Variants in TNIK observed in about 807,000 individuals in gnomAD.
The protein encoded by TNIK is TRAF2 and NCK interacting kinase.
TNIK carries 49 observed loss-of-function variants against 191.3 expected under a neutral mutation model. The observed-to-expected ratio is 0.26, with a 90% confidence interval of 0.20 to 0.32. The LOEUF is 0.32. Among genes scored for constraint, TNIK ranks in the 10% least tolerant of loss-of-function variants. The probability of loss-of-function intolerance (pLI) is 1.00; values close to 1 mark genes in which losing one functional copy is unlikely to be tolerated. For missense variants in TNIK, 1,155 were observed against 1,702.3 expected (o/e 0.68, Z 5.66); for synonymous variants, 594 against 600.9 (o/e 0.99, Z 0.17).
intron 2 of TNIK, among the ~76,000 whole-genome samples, chr3:171,310,458 A>G (rs1336366710): frequency 6.6e-6 from 1 of 152,190 alleles, no homozygotes; most frequent in African/African-American, 2.4e-5. Flanking sequence ...AACCAAATCA[A>G]TTAATGAATG....
rs899438221 is a variant in TNIK, at chr3:171,063,660, G to A, written c.*221C>T. ...CCACAGACAAGGCAGCATTCTTGGGGATCTCCTGGAAATTCCTGCCACCTT... is the reference window on the plus strand; with the variant it reads ...CCACAGACAAGGCAGCATTCTTGGGAATCTCCTGGAAATTCCTGCCACCTT... On this transcript the variant is annotated 3_prime_UTR_variant, in exon 33 of 33. Transcript: ENST00000436636. The A allele has an allele frequency of 7.1e-5, 33 of 463,312 alleles. No homozygotes were observed. Among genetic ancestry groups the A allele is most frequent in the Non-Finnish European group, 1.2e-4 (31 of 261,620 alleles). The allele number at this position is 463,312 out of a possible 1,614,324, so 28.7% of individuals were successfully genotyped here.
chr3:171,411,209 A>G (rs929525012), intron 1 of TNIK, among the ~76,000 whole-genome samples: 7 of 152,114 alleles, frequency 4.6e-5, no homozygotes, highest in Admixed American at 4.6e-4. Context: ...CTGGGACTAC[A>G]GGCATATACC....
chr3:171,196,719 A>G (rs1275210668), intron 4 of TNIK, among the ~76,000 whole-genome samples: 1 of 152,212 alleles, frequency 6.6e-6, no homozygotes, highest in Non-Finnish European at 1.5e-5. Context: ...GATAATTACA[A>G]TTCTGAATAC....
intron 2 of TNIK, among the ~76,000 whole-genome samples, chr3:171,315,183 G>A (rs1754470084): frequency 6.6e-6 from 1 of 152,118 alleles, no homozygotes; most frequent in Non-Finnish European, 1.5e-5. Flanking sequence ...TTAACATTTA[G>A]TGACTAGCTT....
At chr3:171,221,186 C>A (rs1742285239) in intron 3 of TNIK, among the ~76,000 whole-genome samples, 1 of 152,192 alleles carries the variant, frequency 6.6e-6, no homozygotes, top group Admixed American at 6.5e-5. Context: ...TTTATCTTTT[C>A]TCTGTTGAAA....
At chr3:171,326,339 G>T (rs1003062808) in intron 2 of TNIK, among the ~76,000 whole-genome samples, 1 of 151,808 alleles carries the variant, frequency 6.6e-6, no homozygotes, top group Non-Finnish European at 1.5e-5. Flanking sequence ...ACTGATTCTC[G>T]TTACAGAGTA....
intron 2 of TNIK, among the ~76,000 whole-genome samples, chr3:171,235,860 G>C (rs758279928): frequency 3.3e-5 from 5 of 151,800 alleles, no homozygotes; most frequent in Non-Finnish European, 7.4e-5. Flanking sequence ...TTAGTAGAAG[G>C]GTCAATAACC....
At chr3:171,244,156 C>G (rs1745322014) in intron 2 of TNIK, among the ~76,000 whole-genome samples, 1 of 151,736 alleles carries the variant, frequency 6.6e-6, no homozygotes, top group Admixed American at 6.6e-5. Flanking sequence ...GCTCCGCCTC[C>G]CGGGTTCACA....
intron 2 of TNIK, among the ~76,000 whole-genome samples, chr3:171,274,954 G>A (rs761693563): frequency 4.6e-5 from 7 of 152,188 alleles, no homozygotes; most frequent in Admixed American, 1.3e-4. Context: ...GCCAGAGAAT[G>A]AGCATGAGCT....
chr3:171,367,250 C>T (rs187850693), intron 2 of TNIK, among the ~76,000 whole-genome samples: 1 of 152,206 alleles, frequency 6.6e-6, no homozygotes, highest in Admixed American at 6.5e-5. Context: ...TTTACTTAGG[C>T]TCACATATCT....
intron 2 of TNIK, among the ~76,000 whole-genome samples, chr3:171,281,994 A>T (rs1313317687): frequency 1.3e-5 from 2 of 152,238 alleles, no homozygotes; most frequent in South Asian, 2.1e-4. Context: ...TTTGGCCAAA[A>T]AATAATAATA....
intron 1 of TNIK, among the ~76,000 whole-genome samples, chr3:171,428,573 C>T (rs961421968): frequency 1.3e-5 from 2 of 152,180 alleles, no homozygotes; most frequent in African/African-American, 4.8e-5. Flanking sequence ...TGAACAATTG[C>T]TCTGAATCCA....
intron 3 of TNIK, among the ~76,000 whole-genome samples, chr3:171,226,217 C>G (rs1173180798): frequency 1.3e-5 from 2 of 152,104 alleles, no homozygotes; most frequent in African/African-American, 4.8e-5. Flanking sequence ...TCCCTTGCAG[C>G]TAGATACAGG....
intron 19 of TNIK, among the ~76,000 whole-genome samples, chr3:171,109,275 C>T (rs1166975023): frequency 2.0e-5 from 3 of 152,220 alleles, no homozygotes; most frequent in Non-Finnish European, 4.4e-5. Flanking sequence ...AATTCTTCTA[C>T]CTCGGCCTTC....
intron 8 of TNIK, among the ~76,000 whole-genome samples, chr3:171,176,861 A>G (rs1736023313): frequency 6.6e-6 from 1 of 152,232 alleles, no homozygotes; most frequent in African/African-American, 2.4e-5. Flanking sequence ...AGCCCTAGCC[A>G]CTCTGTCTCA....
rs184339748 is a variant in TNIK, at chr3:171,431,454, T to C, written c.57+28553A>G. On this transcript the variant is annotated intron_variant, in intron 1 of 32. Transcript: ENST00000436636. Reference sequence around the variant, plus strand: ...AAATATGCCAAAATATTATCAGGGATTCCTCTGATAATTCCTCTGAGTGAA... The same window carrying C: ...AAATATGCCAAAATATTATCAGGGACTCCTCTGATAATTCCTCTGAGTGAA... 2.2e-3 allele frequency among the ~76,000 whole-genome samples: 337 copies of C among 152,262 alleles called. 2 individuals carry two copies. The highest frequency in any genetic ancestry group is 7.6e-3 in the African/African-American group (315 of 41,576).
intron 2 of TNIK, among the ~76,000 whole-genome samples, chr3:171,262,309 C>T (rs986257390): frequency 1.3e-5 from 2 of 152,138 alleles, no homozygotes; most frequent in East Asian, 1.9e-4. Flanking sequence ...CACCCCACTC[C>T]ACCTCCTCTG....
chr3:171,410,338 TC>T (rs1722215513), intron 1 of TNIK, among the ~76,000 whole-genome samples: 1 of 152,196 alleles, frequency 6.6e-6, no homozygotes, highest in Admixed American at 6.5e-5. Flanking sequence ...TCTGGCACCT[TC>T]CTGAGAAGGC....
At chr3:171,112,156 C>T (rs1466449350) in intron 18 of TNIK, among the ~76,000 whole-genome samples, 1 of 152,186 alleles carries the variant, frequency 6.6e-6, no homozygotes, top group Admixed American at 6.5e-5. Context: ...TATATCAAAA[C>T]ATCATGTTAT....
Sources: gnomAD v4.1 joint callset for allele counts (sites outside exome capture counted in the v4.1 genomes callset) on GRCh38, gnomAD v4.1.1 for gene constraint, MANE v1.5 for transcripts, NCBI Gene and HGNC (gene_info 2026-07-23, HGNC 2026-07-21) for gene names.